Variants in ZHX1 observed in about 807,000 individuals in gnomAD.
The protein encoded by ZHX1 is zinc fingers and homeoboxes protein 1.
A neutral mutation model predicts 61.8 loss-of-function variants in ZHX1; 20 were observed. That is an observed-to-expected ratio of 0.32 (90% CI 0.23 to 0.47). The LOEUF (loss-of-function observed/expected upper bound fraction) is 0.47. ZHX1 is among the 20% of genes least tolerant of loss of function. ZHX1 has a pLI of 1.00. For missense variants in ZHX1, 800 were observed against 1,034.8 expected, an observed-to-expected ratio of 0.77 and a Z score of 3.11; for synonymous variants, 318 against 352.6, an observed-to-expected ratio of 0.90 and a Z score of 1.10.
chr8:123,254,090 C>T lies in ZHX1; in HGVS notation c.1857G>A (p.Lys619=), dbSNP rs896806264. Residue 619 remains lysine (K), a synonymous_variant, in exon 3 of 4, where the codon AAG becomes AAA. Coordinates refer to ENST00000395571, the MANE Select transcript of ZHX1 (RefSeq NM_007222.5). The surrounding 1 kb of genome is among the most constrained non-coding windows in gnomAD (Gnocchi z 4.1). ...RREIDAWFTE[K]KKSKALKEEK... ...CTTCCTTTAAAGCTTTTGATTTCTT[C>T]TTCTCTGTAAACCAAGCATCGATTT... 8.7e-6 allele frequency: 14 copies of T among 1,614,110 alleles called. No homozygotes were observed. The highest frequency in any genetic ancestry group is 1.1e-5 in the Non-Finnish European group (13 of 1,180,016).
chr8:123,265,847 A>C (rs1271604765), intron 2 of ZHX1, among the ~76,000 whole-genome samples: 1 of 152,254 alleles, frequency 6.6e-6, no homozygotes, highest in African/African-American at 2.4e-5. Flanking sequence ...AAAGATAATC[A>C]AATGTCAGAG....
At chr8:123,267,155 T>C in intron 2 of ZHX1, 118 bp downstream of exon 2, 1 of 850,420 alleles carries the variant, frequency 1.2e-6, no homozygotes. Context: ...GTTAAGCATA[T>C]GTCTGCTGCT....
upstream of ZHX1, chr8:123,274,554 TC>T (rs940619567): frequency 1.3e-5 from 2 of 151,878 alleles, no homozygotes; most frequent in African/African-American, 4.8e-5. Flanking sequence ...TCCACTGGGG[TC>T]CGACCCCGGC....
chr8:123,260,481 C>T (rs1170506235), intron 2 of ZHX1, among the ~76,000 whole-genome samples: 2 of 150,876 alleles, frequency 1.3e-5, no homozygotes, highest in African/African-American at 4.9e-5. Flanking sequence ...CACCTGTAAT[C>T]CCGCTACTCG....
intron 3 of ZHX1, chr8:123,252,687 T>C (rs1044714): frequency 0.21 from 31,340 of 152,104 alleles, 3,378 homozygotes; most frequent in Admixed American, 0.26. Context: ...CTTTGACTTT[T>C]AACAGAAAAA....
In ZHX1 at chr8:123,255,183, G is replaced by A. The variant is rs778357930; in HGVS notation, c.764C>T (p.Ala255Val). The change falls in exon 3 of 4, where the codon GCA (alanine) becomes GTA (valine). Residue 255 changes from alanine (A) to valine (V), a missense_variant. Physicochemically the swap from Ala to Val is moderately conservative, Grantham distance 64. Transcript: ENST00000395571. ...CACCTGTGCCAATCCAGGAAGAACT[G>A]CTGCTGGTGTCACTACCGTGCTGGC... Reference protein sequence around the residue: ...STASTVVTPAAVLPGLAQVIT... With the variant: ...STASTVVTPAVVLPGLAQVIT... The A allele has an allele frequency of 1.2e-6, 2 of 1,614,174 alleles. No homozygotes were observed. The highest frequency in any genetic ancestry group is 1.7e-5 in the Admixed American group (1 of 60,028).
chr8:123,272,921 CACG>C (rs1826704351), intron 1 of ZHX1, among the ~76,000 whole-genome samples: 1 of 152,148 alleles, frequency 6.6e-6, no homozygotes, highest in South Asian at 2.1e-4. Context: ...CTAATCACAT[CACG>C]ACTTCTCTCT....
chr8:123,248,927 T>A lies in ZHX1; in HGVS notation c.*1397A>T, dbSNP rs556606176. 9.2e-5 allele frequency: 14 copies of A among 152,654 alleles called. No individual in the cohort carries two copies. The highest frequency in any genetic ancestry group is 3.4e-4 in the African/African-American group (14 of 41,558). 9.5% of individuals were successfully genotyped at this position (152,654 alleles called of 1,614,324 possible). A position where few individuals can be genotyped will look rare whatever the true frequency, so the allele number is the denominator to read the frequency against. On this transcript the variant is annotated 3_prime_UTR_variant, in exon 4 of 4. Coordinates refer to ENST00000395571, the MANE Select transcript of ZHX1 (RefSeq NM_007222.5). ...CAGCTGTCTGAGTGAGGAAATCAGCTACATTGCAGCATTTTGGAATTACTA... is the reference window on the plus strand; with the variant it reads ...CAGCTGTCTGAGTGAGGAAATCAGCAACATTGCAGCATTTTGGAATTACTA...
intron 2 of ZHX1, among the ~76,000 whole-genome samples, chr8:123,265,927 T>A (rs1166858437): frequency 6.6e-6 from 1 of 152,226 alleles, no homozygotes; most frequent in African/African-American, 2.4e-5. Flanking sequence ...TTTTTTTCCA[T>A]CTGAGAAAGC....
At position 123,255,152 on chromosome 8, in the gene ZHX1, A is replaced by C; in HGVS notation, c.795T>G (p.Thr265=). 1 of 1,614,210 alleles carries C rather than the reference A, an allele frequency of 6.2e-7. No homozygotes were observed. ...AVLPGLAQVI[T]AVSAQQNSNL... Reference sequence around the variant, plus strand: ...TAGAATTCTGCTGAGCAGATACAGCAGTTATCACCTGTGCCAATCCAGGAA... The same window carrying C: ...TAGAATTCTGCTGAGCAGATACAGCCGTTATCACCTGTGCCAATCCAGGAA... The change falls in exon 3 of 4, where the codon ACT becomes ACG. Residue 265 remains threonine, a synonymous_variant. Coordinates refer to ENST00000395571, the MANE Select transcript of ZHX1 (RefSeq NM_007222.5).
intron 1 of ZHX1, among the ~76,000 whole-genome samples, chr8:123,270,158 A>G (rs555605805): frequency 2.6e-4 from 38 of 148,026 alleles, no homozygotes; most frequent in African/African-American, 9.9e-4. Context: ...AATTTTAACA[A>G]ACTTCTTTTT....
chr8:123,253,245 C>G, intron 3 of ZHX1, 77 bp downstream of exon 3: 1 of 1,230,750 alleles, frequency 8.1e-7, no homozygotes, highest in East Asian at 2.4e-5. Context: ...ATGAAGATGA[C>G]TGATACAACA....
rs1674571008 is a variant in ZHX1, at chr8:123,267,182, T to C, written c.-226+91A>G. Reference sequence around the variant, plus strand: ...TCTGCTGCTTTTTAAGGAAAGCTTTTAAAAACTTTAGACAAATATAGTATC... The same window carrying C: ...TCTGCTGCTTTTTAAGGAAAGCTTTCAAAAACTTTAGACAAATATAGTATC... On this transcript the variant is annotated intron_variant, in intron 2 of 3. Coordinates refer to ENST00000395571, the MANE Select transcript of ZHX1 (RefSeq NM_007222.5). 3 of 1,263,958 alleles carry C rather than the reference T, an allele frequency of 2.4e-6. No homozygotes were observed. In the South Asian group the frequency reaches 4.7e-5, roughly 20 times the overall value. The allele number at this position is 1,263,958 out of a possible 1,614,324, so 78.3% of individuals were successfully genotyped here.
chr8:123,255,587 A>C lies in ZHX1; in HGVS notation c.360T>G (p.His120Gln). The change falls in exon 3 of 4, where the codon CAT becomes CAG. Residue 120 changes from histidine to glutamine, a missense_variant. Coordinates refer to ENST00000395571, the MANE Select transcript of ZHX1 (RefSeq NM_007222.5). ...CTTCTCCTGGGTGATATTTCAGATT[A>C]TGCTCAGAAAGTGCATCATACCTTT... ...LTKRYDALSE[H>Q]NLKYHPGEEN... 6.2e-7 allele frequency: 1 copy of C among 1,613,324 alleles called. No individual in the cohort carries two copies.
At chr8:123,272,429 T>C (rs2131230048) in intron 1 of ZHX1, among the ~76,000 whole-genome samples, 1 of 152,302 alleles carries the variant, frequency 6.6e-6, no homozygotes, top group East Asian at 1.9e-4. Context: ...ATGAAAGCCC[T>C]TTTTCTTTTA....
At position 123,249,058 on chromosome 8, in the gene ZHX1, G is replaced by A. The variant is rs1253525150; in HGVS notation, c.*1266C>T. 2 of 152,490 alleles carry A rather than the reference G, an allele frequency of 1.3e-5. No homozygotes were observed. Among genetic ancestry groups the A allele is most frequent in the Non-Finnish European group, 2.9e-5 (2 of 67,986 alleles). The allele number at this position is 152,490 out of a possible 1,614,324, so 9.4% of individuals were successfully genotyped here. ...ATGGCTGAAAAACATTTAACCAAGA[G>A]CTTAATATTTATTATCCATTAAATT... On this transcript the variant is annotated 3_prime_UTR_variant, in exon 4 of 4. Coordinates refer to ENST00000395571, the MANE Select transcript of ZHX1 (RefSeq NM_007222.5).
rs1826008044 is a variant in ZHX1, at chr8:123,254,399, C to T, written c.1548G>A (p.Arg516=). ...TACTCTTTGAATTTCTCTGGTTGTA[C>T]CTTGTGTCACTAAACCATTTTTTAA... ...GEIKKWFSDT[R]YNQRNSKSNQ... The change falls in exon 3 of 4, where the codon AGG becomes AGA. Residue 516 remains arginine, a synonymous_variant. Coordinates refer to ENST00000395571, the MANE Select transcript of ZHX1 (RefSeq NM_007222.5). The surrounding 1 kb of genome is among the most constrained non-coding windows in gnomAD (Gnocchi z 4.1). 8.7e-6 allele frequency: 14 copies of T among 1,614,002 alleles called. No homozygotes were observed. Among genetic ancestry groups the T allele is most frequent in the Middle Eastern group, 1.6e-4 (1 of 6,082 alleles).
At chr8:123,271,397 C>A (rs1382663714) in intron 1 of ZHX1, among the ~76,000 whole-genome samples, 1 of 152,094 alleles carries the variant, frequency 6.6e-6, no homozygotes, top group Non-Finnish European at 1.5e-5. Context: ...TTCCAAAAAT[C>A]TCTCTGAATA....
Position 123,255,994 on chromosome 8 carries a change from C to A in ZHX1, c.-48G>T. 1 of 1,515,690 alleles carries A rather than the reference C, an allele frequency of 6.6e-7. No homozygotes were observed. The highest frequency in any genetic ancestry group is 8.9e-7 in the Non-Finnish European group (1 of 1,126,860). 93.9% of individuals were successfully genotyped at this position (1,515,690 alleles called of 1,614,324 possible). A position where few individuals can be genotyped will look rare whatever the true frequency, so the allele number is the denominator to read the frequency against. On this transcript the variant is annotated 5_prime_UTR_variant, in exon 3 of 4. Coordinates refer to ENST00000395571, the MANE Select transcript of ZHX1 (RefSeq NM_007222.5). Reference sequence around the variant, plus strand: ...CAGTGGTGATTAAAAAGCATCGAGGCTTAAAACTGTTCAGTGTTCTTCATT... The same window carrying A: ...CAGTGGTGATTAAAAAGCATCGAGGATTAAAACTGTTCAGTGTTCTTCATT...
Sources: gnomAD v4.1 joint callset for allele counts (sites outside exome capture counted in the v4.1 genomes callset) on GRCh38, gnomAD v4.1.1 for gene constraint, Gnocchi (gnomAD v3.1) non-coding constraint, MANE v1.5 for transcripts, NCBI Gene and HGNC (gene_info 2026-07-23, HGNC 2026-07-21) for gene names.